The following NTN1 variants were observed in gnomAD, a reference collection of about 807,000 sequenced individuals.
NTN1 encodes the protein netrin 1, also known as netrin-1.
Under a neutral mutation model 54.2 loss-of-function variants are expected in NTN1, and 11 were observed. The ratio of observed to expected loss-of-function variants is 0.20; its 90% CI spans 0.13 to 0.34. NTN1 has a LOEUF of 0.34. Among genes scored for constraint, NTN1 ranks in the 10% least tolerant of loss-of-function variants. The pLI, the probability that NTN1 is intolerant of heterozygous loss-of-function variation, is 1.00. For synonymous variants in NTN1, 371 were observed against 382.0 expected (o/e 0.97, Z 0.33); for missense variants, 740 against 893.1 (o/e 0.83, Z 2.18).
chr17:9,188,009 G>T (rs2092438900), intron 5 of NTN1, among the ~76,000 whole-genome samples: 1 of 152,204 alleles, frequency 6.6e-6, no homozygotes, highest in Non-Finnish European at 1.5e-5. Context: ...CTAGGGGCCG[G>T]GCAGCGGCTG....
At chr17:9,236,478 C>T (rs760051615) in intron 6 of NTN1, among the ~76,000 whole-genome samples, 3 of 152,244 alleles carry the variant, frequency 2.0e-5, no homozygotes, top group Non-Finnish European at 4.4e-5. Flanking sequence ...GGGCTTGGCC[C>T]ATGCACTGCA....
At chr17:9,111,920 C>T (rs2092192605) in intron 2 of NTN1, among the ~76,000 whole-genome samples, 1 of 152,050 alleles carries the variant, frequency 6.6e-6, no homozygotes, top group African/African-American at 2.4e-5. Flanking sequence ...GTAAATGGAC[C>T]CACACAATTC....
intron 2 of NTN1, among the ~76,000 whole-genome samples, chr17:9,024,157 T>C (rs2091862682): frequency 6.6e-6 from 1 of 152,202 alleles, no homozygotes; most frequent in African/African-American, 2.4e-5. Context: ...ACTTTTTAAA[T>C]AGGGTTTCAT....
At chr17:9,140,325 C>A (rs1246922607) in intron 2 of NTN1, among the ~76,000 whole-genome samples, 1 of 152,194 alleles carries the variant, frequency 6.6e-6, no homozygotes, top group Non-Finnish European at 1.5e-5. Context: ...CTCTGCACCC[C>A]CTGCCCTGGT....
chr17:9,174,552 TCTTTC>T (rs1201327958), intron 3 of NTN1: 1 of 152,316 alleles, frequency 6.6e-6, no homozygotes, highest in Non-Finnish European at 1.5e-5. Context: ...GCTCCAGGCC[TCTTTC>T]CTTGGCTTGC....
intron 6 of NTN1, among the ~76,000 whole-genome samples, chr17:9,235,368 G>GT (rs1000954230): frequency 2.6e-5 from 4 of 152,176 alleles, no homozygotes; most frequent in African/African-American, 9.7e-5. Context: ...TGAATACATG[G>GT]TGGGGGATCC....
In NTN1 at chr17:9,212,297, A is replaced by G. The variant is rs1415398619; in HGVS notation, c.1412-8871A>G. On this transcript the variant is annotated intron_variant, in intron 5 of 6. Transcript: ENST00000173229. This position sits in a 1 kb window ranked among gnomAD's most constrained non-coding sequence, Gnocchi z 5.5. ...CGAAGTCACCTGCAGCCTAGGACCA[A>G]GAGGTGAGAGCCAGCTTCCTGGGGA... is the stretch of plus-strand genomic sequence containing the variant. 6.6e-6 allele frequency among the ~76,000 whole-genome samples: 1 copy of G among 152,170 alleles called. No individual in the cohort carries two copies. Among genetic ancestry groups the G allele is most frequent in the African/African-American group, 2.4e-5 (1 of 41,448 alleles).
chr17:9,034,431 CTTTTTTT>C (rs34134457), intron 2 of NTN1, among the ~76,000 whole-genome samples: 1 of 145,464 alleles, frequency 6.9e-6, no homozygotes, highest in Non-Finnish European at 1.5e-5. Flanking sequence ...TTTTCTTTTT[CTTTTTTT>C]TTAAGATAGA....
the NTN1 span, among the ~76,000 whole-genome samples, chr17:9,009,136 C>T: frequency 6.6e-6 from 1 of 152,358 alleles, no homozygotes; most frequent in South Asian, 2.1e-4. Context: ...ACACTTCCCC[C>T]AAATAACATC....
At chr17:9,185,330 C>T (rs1401140521) in intron 5 of NTN1, among the ~76,000 whole-genome samples, 2 of 152,188 alleles carry the variant, frequency 1.3e-5, no homozygotes, top group Admixed American at 1.3e-4. Flanking sequence ...GCTCAGCGCT[C>T]TCAAACCTGT....
chr17:9,061,396 A>G (rs1390301218), intron 2 of NTN1, among the ~76,000 whole-genome samples: 1 of 152,110 alleles, frequency 6.6e-6, no homozygotes, highest in African/African-American at 2.4e-5. Context: ...GTTGGCTGGA[A>G]CCTTGGCTCC....
At chr17:9,041,719 A>G (rs978015229) in intron 2 of NTN1, among the ~76,000 whole-genome samples, 8 of 152,088 alleles carry the variant, frequency 5.3e-5, no homozygotes, top group African/African-American at 1.9e-4. Flanking sequence ...TTATAAGACA[A>G]CTATCTCATC....
intron 2 of NTN1, among the ~76,000 whole-genome samples, chr17:9,080,530 G>A (rs1403171787): frequency 6.6e-6 from 1 of 152,216 alleles, no homozygotes; most frequent in African/African-American, 2.4e-5. Flanking sequence ...CTGTTTCTTG[G>A]CATACAACTC....
At chr17:9,147,923 T>C (rs1348462944) in intron 2 of NTN1, among the ~76,000 whole-genome samples, 1 of 152,196 alleles carries the variant, frequency 6.6e-6, no homozygotes, top group Admixed American at 6.5e-5. Flanking sequence ...ACAAAGCATA[T>C]CATGATGAAA....
chr17:9,053,889 G>A (rs2091968964), intron 2 of NTN1, among the ~76,000 whole-genome samples: 1 of 152,184 alleles, frequency 6.6e-6, no homozygotes, highest in Non-Finnish European at 1.5e-5. Flanking sequence ...CCTTAAGCAG[G>A]GCTCATGAAG....
intron 2 of NTN1, among the ~76,000 whole-genome samples, chr17:9,074,197 C>G (rs755044246): frequency 2.6e-5 from 4 of 152,236 alleles, no homozygotes; most frequent in Non-Finnish European, 5.9e-5. Flanking sequence ...GGAAGCCTGA[C>G]AGGGGCGAGG....
At chr17:9,010,534 C>G in the NTN1 span, among the ~76,000 whole-genome samples, 21 of 152,214 alleles carry the variant, frequency 1.4e-4, no homozygotes, top group Non-Finnish European at 2.4e-4. Flanking sequence ...TTAGTGGTCT[C>G]TCATTTTGTT....
intron 2 of NTN1, among the ~76,000 whole-genome samples, chr17:9,043,875 T>C (rs2091931806): frequency 6.6e-6 from 1 of 152,148 alleles, no homozygotes; most frequent in African/African-American, 2.4e-5. Context: ...CCACTGCACC[T>C]GGCATCATCT....
At chr17:9,106,807 A>C (rs2092168870) in intron 2 of NTN1, among the ~76,000 whole-genome samples, 1 of 152,012 alleles carries the variant, frequency 6.6e-6, no homozygotes, top group South Asian at 2.1e-4. Context: ...TAGCCACCAC[A>C]CTGGGCCCCA....
Sources: allele counts gnomAD v4.1 joint callset (sites outside exome capture counted in the v4.1 genomes callset), GRCh38; gene constraint gnomAD v4.1.1; non-coding constraint Gnocchi (gnomAD v3.1); transcripts MANE v1.5; gene names NCBI Gene and HGNC (gene_info 2026-07-23, HGNC 2026-07-21).